Variants in SLC7A7 observed in about 807,000 individuals in gnomAD.
The protein encoded by SLC7A7 is Y+L amino acid transporter 1.
In SLC7A7, 39 loss-of-function variants were observed where a neutral mutation model predicts 47.9. The observed-to-expected ratio is 0.81, with a 90% CI of 0.63 to 1.06. The LOEUF (loss-of-function observed/expected upper bound fraction) is 1.06. SLC7A7 is among the 50% of genes least tolerant of loss of function. The pLI, the probability that SLC7A7 is intolerant of heterozygous loss-of-function variation, is 0.00. For missense variants in SLC7A7, 588 were observed against 632.0 expected (o/e 0.93, Z 0.75); for synonymous variants, 234 against 242.8 (o/e 0.96, Z 0.34).
upstream of SLC7A7, among the ~76,000 whole-genome samples, chr14:22,818,874 G>A (rs996287494): frequency 6.6e-6 from 1 of 152,038 alleles, no homozygotes; most frequent in Non-Finnish European, 1.5e-5. Context: ...TTAAAGGTGT[G>A]AGCCACCGTG....
intron 2 of SLC7A7, among the ~76,000 whole-genome samples, chr14:22,803,031 G>A (rs540227696): frequency 6.6e-6 from 1 of 152,244 alleles, no homozygotes; most frequent in African/African-American, 2.4e-5. Flanking sequence ...CTATGTGCTG[G>A]TGATTCAGCA....
At chr14:22,793,261 G>C (rs2038958810) in intron 2 of SLC7A7, among the ~76,000 whole-genome samples, 2 of 152,118 alleles carry the variant, frequency 1.3e-5, no homozygotes, top group Admixed American at 6.6e-5. Context: ...CGCTTACTCA[G>C]GTGTCATGGG....
chr14:22,786,695 A>C (rs2038823498), intron 2 of SLC7A7, among the ~76,000 whole-genome samples: 1 of 152,136 alleles, frequency 6.6e-6, no homozygotes, highest in Admixed American at 6.5e-5. Flanking sequence ...GCATTTTGGG[A>C]GGCCGAGGTT....
rs190488224 is a variant in SLC7A7, at chr14:22,777,916, A to C, written c.770+877T>G. On this transcript the variant is annotated intron_variant, in intron 4 of 9. Coordinates refer to ENST00000674313, the MANE Select transcript of SLC7A7 (RefSeq NM_003982.4). The stretch of plus-strand genomic sequence containing the variant: ...TGGTGAAACCCATGTCTCTACTAAA[A>C]ATACAAAAATTAGCCAGGCGTGGTG... 1.9e-3 allele frequency among the ~76,000 whole-genome samples: 290 copies of C among 152,284 alleles called. 1 individual carries two copies. Among genetic ancestry groups the C allele is most frequent in the African/African-American group, 6.4e-3 (267 of 41,552 alleles).
chr14:22,815,748 C>A (rs771357336), upstream of SLC7A7: 1 of 448,082 alleles, frequency 2.2e-6, no homozygotes, highest in Admixed American at 2.4e-5. Context: ...TAGCTGAGGA[C>A]AGGACAGTAG....
In SLC7A7 at chr14:22,775,816, A is replaced by G; in HGVS notation, c.998+17T>C. The G allele has an allele frequency of 1.3e-6, 2 of 1,588,942 alleles. No homozygotes were observed. The highest frequency in any genetic ancestry group is 8.6e-7 in the Non-Finnish European group (1 of 1,157,110). Reference sequence around the variant, plus strand: ...GCCCTTTGATGATACACCCCTCACAAAAGTTGCCACTCTTACCTAGAAGCA... The same window carrying G: ...GCCCTTTGATGATACACCCCTCACAGAAGTTGCCACTCTTACCTAGAAGCA... On this transcript the variant is annotated intron_variant, in intron 6 of 9. Transcript: ENST00000674313.
At position 22,775,462 on chromosome 14, in the gene SLC7A7, C is replaced by T. The variant is rs1341651451; in HGVS notation, c.1077G>A (p.Val359=). Residue 359 remains valine, a synonymous_variant, in exon 7 of 10, where the codon GTG becomes GTA. Coordinates refer to ENST00000674313, the MANE Select transcript of SLC7A7 (RefSeq NM_003982.4). The stretch of plus-strand genomic sequence containing the variant: ...CACTTACATTGAAGAGCAGAGAAGG[C>T]ACTGGTGTGAACCGCTCAACATGGA... The part of the protein sequence containing the change: ...CMIHVERFTP[V]PSLLFNGIMA... 1 of 1,614,018 alleles carries T rather than the reference C, an allele frequency of 6.2e-7. No homozygotes were observed. Among genetic ancestry groups the T allele is most frequent in the Admixed American group, 1.7e-5 (1 of 60,020 alleles).
At chr14:22,813,854 G>A (rs192264652) in intron 1 of SLC7A7, among the ~76,000 whole-genome samples, 14 of 141,358 alleles carry the variant, frequency 9.9e-5, no homozygotes, top group African/African-American at 3.2e-4. Flanking sequence ...GCAATGGCGC[G>A]ATCTCAGCTC....
chr14:22,789,759 G>C (rs2139416350), intron 2 of SLC7A7, among the ~76,000 whole-genome samples: 1 of 152,232 alleles, frequency 6.6e-6, no homozygotes, highest in East Asian at 1.9e-4. Context: ...AGATGAAAGA[G>C]GGAGGCAGAA....
At chr14:22,818,611 T>C (rs927137909), upstream of SLC7A7, among the ~76,000 whole-genome samples, 3 of 150,672 alleles carry the variant, frequency 2.0e-5, no homozygotes, top group Non-Finnish European at 1.5e-5. Context: ...TTTTTGGGTT[T>C]TTTTTACCCG....
chr14:22,786,713 C>T (rs1423136671), intron 2 of SLC7A7, among the ~76,000 whole-genome samples: 1 of 152,132 alleles, frequency 6.6e-6, no homozygotes, highest in South Asian at 2.1e-4. Context: ...GTTGGAGGAT[C>T]GCTTGAGTCC....
rs181276631 is a variant in SLC7A7 at position 22,788,256 on chromosome 14, C to T, written c.500-8205G>A. 1.4e-4 allele frequency among the ~76,000 whole-genome samples: 21 copies of T among 152,100 alleles called. No homozygotes were observed. In the East Asian group the frequency reaches 3.7e-3, roughly 27 times the overall value. ...CATGAGAATTTGCCACGAACCTCTC[C>T]GAAATCTGCATACACATGCCTCTGC... On this transcript the variant is annotated intron_variant, in intron 2 of 9. Coordinates refer to ENST00000674313, the MANE Select transcript of SLC7A7 (RefSeq NM_003982.4).
intron 5 of SLC7A7, 39 bp downstream of exon 5, chr14:22,776,156 C>A (rs1326288239): frequency 6.2e-7 from 1 of 1,614,064 alleles, no homozygotes; most frequent in South Asian, 1.1e-5. Flanking sequence ...CAGTACCCCA[C>A]AAGACACCCT....
chr14:22,777,395 G>C (rs555725964), intron 4 of SLC7A7, among the ~76,000 whole-genome samples: 1 of 152,250 alleles, frequency 6.6e-6, no homozygotes, highest in South Asian at 2.1e-4. Context: ...AGTAGGAAGA[G>C]AAGTGTATGT....
chr14:22,806,218 CAG>C (rs2039205739), intron 2 of SLC7A7, among the ~76,000 whole-genome samples: 1 of 81,312 alleles, frequency 1.2e-5, no homozygotes, highest in South Asian at 4.9e-4. Flanking sequence ...TTTTTTGAGA[CAG>C]AGTCTTGCTC....
intron 2 of SLC7A7, among the ~76,000 whole-genome samples, chr14:22,800,330 C>T (rs913570626): frequency 8.5e-5 from 13 of 152,150 alleles, no homozygotes; most frequent in African/African-American, 3.1e-4. Context: ...CAACGTCTCC[C>T]ATCCCATATT....
At chr14:22,779,443 G>A (rs986746217) in intron 3 of SLC7A7, among the ~76,000 whole-genome samples, 38 of 149,352 alleles carry the variant, frequency 2.5e-4, no homozygotes, top group Non-Finnish European at 4.3e-4. Context: ...ACTTGGGCAA[G>A]ATATTTAATT....
rs1030935662 is a variant in SLC7A7, at chr14:22,786,242, C to T, written c.500-6191G>A. On this transcript the variant is annotated intron_variant, in intron 2 of 9. Transcript: ENST00000674313. The stretch of plus-strand genomic sequence containing the variant: ...CTGAGGCAGGGGAATTGCTTGAACC[C>T]GGGAGGCAGAGGTTGCAGTGGGCCG... 2.6e-5 allele frequency among the ~76,000 whole-genome samples: 4 copies of T among 152,092 alleles called. No individual in the cohort carries two copies. In the South Asian group the frequency reaches 8.3e-4, roughly 32 times the overall value.
intron 5 of SLC7A7, 26 bp downstream of exon 5, chr14:22,776,169 A>G (rs778395157): frequency 8.7e-6 from 14 of 1,613,888 alleles, no homozygotes; most frequent in East Asian, 4.5e-5. Context: ...GACACCCTCA[A>G]CCTTCTGCTA....
Sources: gnomAD v4.1 joint callset for allele counts (sites outside exome capture counted in the v4.1 genomes callset) on GRCh38, gnomAD v4.1.1 for gene constraint, MANE v1.5 for transcripts, NCBI Gene and HGNC (gene_info 2026-07-23, HGNC 2026-07-21) for gene names.